The following SAMTOR variants were observed in gnomAD, a reference collection of about 807,000 sequenced individuals.
SAMTOR encodes S-adenosylmethionine sensor upstream of mTORC1.
chr7:112,919,626 C>CA, the SAMTOR span, among the ~76,000 whole-genome samples: 1 of 151,940 alleles, frequency 6.6e-6, no homozygotes, highest in Non-Finnish European at 1.5e-5. Context: ...AATAGAGACA[C>CA]AAAAAACCCT....
chr7:112,929,628 A>G, the SAMTOR span, among the ~76,000 whole-genome samples: 1 of 152,070 alleles, frequency 6.6e-6, no homozygotes, highest in African/African-American at 2.4e-5. Flanking sequence ...GATATCTGCA[A>G]TCCTATAATC....
At chr7:112,830,086 T>G in the SAMTOR span, among the ~76,000 whole-genome samples, 6 of 152,092 alleles carry the variant, frequency 3.9e-5, no homozygotes, top group East Asian at 9.7e-4. Context: ...GACTCTCAAC[T>G]CCCTAGGACT....
the SAMTOR span, among the ~76,000 whole-genome samples, chr7:112,933,881 C>A: frequency 6.6e-6 from 1 of 152,248 alleles, no homozygotes; most frequent in South Asian, 2.1e-4. Context: ...GCCTTAGACG[C>A]TTTAAAGCTG....
chr7:112,869,504 T>C, the SAMTOR span, among the ~76,000 whole-genome samples: 1 of 148,244 alleles, frequency 6.7e-6, no homozygotes, highest in Non-Finnish European at 1.5e-5. Context: ...CACCCAGAAA[T>C]GAAATCAAAT....
chr7:112,931,323 A>G, the SAMTOR span, among the ~76,000 whole-genome samples: 2 of 151,488 alleles, frequency 1.3e-5, no homozygotes, highest in East Asian at 3.8e-4. Flanking sequence ...AAAACACAAC[A>G]AAACAAATCA....
chr7:112,904,931 G>A, the SAMTOR span, among the ~76,000 whole-genome samples: 1 of 152,124 alleles, frequency 6.6e-6, no homozygotes, highest in Non-Finnish European at 1.5e-5. Context: ...CATCCAGAGA[G>A]AGACTGCCCC....
At chr7:112,902,429 C>CAAAAAAAAAAAAAAAAAAAA in the SAMTOR span, among the ~76,000 whole-genome samples, 1 of 58,576 alleles carries the variant, frequency 1.7e-5, no homozygotes, top group Admixed American at 2.8e-4. Context: ...AAAAAAAAAA[C>CAAAAAAAAAAAAAAAAAAAA]AAAAAAAAAC....
At chr7:112,838,427 A>T in the SAMTOR span, among the ~76,000 whole-genome samples, 32 of 151,952 alleles carry the variant, frequency 2.1e-4, no homozygotes, top group African/African-American at 7.0e-4. Flanking sequence ...AAATTGATTT[A>T]AAGGTATTTT....
At chr7:112,831,872 C>G in the SAMTOR span, among the ~76,000 whole-genome samples, 1 of 152,190 alleles carries the variant, frequency 6.6e-6, no homozygotes, top group Non-Finnish European at 1.5e-5. Context: ...GCCCTTGCCT[C>G]TTTCTACTAT....
chr7:112,899,763 G>C, the SAMTOR span, among the ~76,000 whole-genome samples: 1 of 128,726 alleles, frequency 7.8e-6, no homozygotes, highest in Admixed American at 8.4e-5. Context: ...AAGAGGGAAT[G>C]AGATGACATA....
the SAMTOR span, among the ~76,000 whole-genome samples, chr7:112,875,344 G>A: frequency 6.6e-6 from 1 of 152,018 alleles, no homozygotes; most frequent in Non-Finnish European, 1.5e-5. Context: ...GTACTGTCAT[G>A]GATAAAGCAG....
the SAMTOR span, among the ~76,000 whole-genome samples, chr7:112,931,956 C>T: frequency 6.7e-5 from 10 of 149,102 alleles, no homozygotes; most frequent in Non-Finnish European, 1.3e-4. Context: ...GATGGAGTCT[C>T]GTTCTGTCAC....
At chr7:112,826,719 T>C in the SAMTOR span, among the ~76,000 whole-genome samples, 8 of 152,158 alleles carry the variant, frequency 5.3e-5, no homozygotes, top group African/African-American at 1.9e-4. Context: ...TTGAGACTGT[T>C]ACCTAATAAA....
the SAMTOR span, among the ~76,000 whole-genome samples, chr7:112,831,568 T>G: frequency 6.6e-6 from 1 of 152,074 alleles, no homozygotes; most frequent in Non-Finnish European, 1.5e-5. Context: ...GGCCGGAGAA[T>G]CACTGGAACC....
chr7:112,842,073 A>G, the SAMTOR span, among the ~76,000 whole-genome samples: 2 of 151,980 alleles, frequency 1.3e-5, no homozygotes, highest in African/African-American at 2.4e-5. Context: ...TTGTTTTCAT[A>G]CATGCTTAGT....
the SAMTOR span, among the ~76,000 whole-genome samples, chr7:112,923,578 C>T: frequency 6.6e-6 from 1 of 152,174 alleles, no homozygotes; most frequent in African/African-American, 2.4e-5. Context: ...AATAGGAACA[C>T]TTTTACACTA....
At chr7:112,824,711 T>G in the SAMTOR span, among the ~76,000 whole-genome samples, 2 of 152,186 alleles carry the variant, frequency 1.3e-5, no homozygotes, top group Non-Finnish European at 2.9e-5. Context: ...TTTCTTCTTT[T>G]GTATATGGAT....
chr7:112,895,591 T>C, the SAMTOR span: 1 of 1,567,528 alleles, frequency 6.4e-7, no homozygotes, highest in Non-Finnish European at 8.7e-7. Flanking sequence ...TCAGGGTTTG[T>C]AAAGCTGAGG....
the SAMTOR span, among the ~76,000 whole-genome samples, chr7:112,871,511 C>A: frequency 6.6e-6 from 1 of 152,008 alleles, no homozygotes; most frequent in African/African-American, 2.4e-5. Context: ...CTCTACAATG[C>A]AGCAAAAGCA....
Sources: gnomAD v4.1 joint callset for allele counts (sites outside exome capture counted in the v4.1 genomes callset) on GRCh38, gnomAD v4.1.1 for gene constraint, MANE v1.5 for transcripts, NCBI Gene and HGNC (gene_info 2026-07-23, HGNC 2026-07-21) for gene names.